The following IL20RA variants were observed in gnomAD, a reference collection of about 807,000 sequenced individuals.
IL20RA encodes interleukin-20 receptor subunit alpha.
Under a neutral mutation model 36.5 loss-of-function variants are expected in IL20RA, and 29 were observed. That is an observed-to-expected ratio of 0.79 (90% CI 0.59 to 1.08). The LOEUF is 1.08. Among genes scored for constraint, IL20RA ranks in the 50% least tolerant of loss-of-function variants. The pLI, the probability that IL20RA is intolerant of heterozygous loss-of-function variation, is 0.00. For synonymous variants in IL20RA, 279 were observed against 267.1 expected (o/e 1.04, Z -0.43); for missense variants, 652 against 668.4 (o/e 0.98, Z 0.27).
intron 1 of IL20RA, among the ~76,000 whole-genome samples, chr6:137,032,472 G>A (rs545563635): frequency 3.9e-5 from 6 of 152,308 alleles, no homozygotes; most frequent in African/African-American, 7.2e-5. Context: ...GGCAGTGGAC[G>A]AGGAGGGGCT....
At chr6:137,019,909 T>A (rs1415121273) in intron 1 of IL20RA, among the ~76,000 whole-genome samples, 1 of 152,270 alleles carries the variant, frequency 6.6e-6, no homozygotes, top group Non-Finnish European at 1.5e-5. Context: ...TCTATCACCA[T>A]GACTGTGGTA....
chr6:137,033,105 G>C (rs1302048897), intron 1 of IL20RA, among the ~76,000 whole-genome samples: 1 of 152,170 alleles, frequency 6.6e-6, no homozygotes, highest in Non-Finnish European at 1.5e-5. Flanking sequence ...ACAGCTCTAA[G>C]GCTGGATGTC....
intron 1 of IL20RA, among the ~76,000 whole-genome samples, chr6:137,032,531 T>C (rs965018155): frequency 6.6e-6 from 1 of 152,172 alleles, no homozygotes; most frequent in African/African-American, 2.4e-5. Context: ...CACATGGCCC[T>C]GAGATCCTGG....
Position 137,044,737 on chromosome 6 carries a change from G to A in IL20RA, c.-9C>T. 8.2e-7 allele frequency: 1 copy of A among 1,216,162 alleles called. No individual in the cohort carries two copies. The highest frequency in any genetic ancestry group is 1.0e-6 in the Non-Finnish European group (1 of 978,318). The allele number at this position is 1,216,162 out of a possible 1,614,324, so 75.3% of individuals were successfully genotyped here. A position where few individuals can be genotyped will look rare whatever the true frequency, so the allele number is the denominator to read the frequency against. ...CGGCCGGGAGCCCGCATGGGCGGCG[G>A]GGCTGGGTCACATGTCGGGGGGCAG... On this transcript the variant is annotated 5_prime_UTR_variant, in exon 1 of 7. Coordinates refer to ENST00000316649, the MANE Select transcript of IL20RA (RefSeq NM_014432.4).
At chr6:137,020,290 C>T (rs1775849905) in intron 1 of IL20RA, among the ~76,000 whole-genome samples, 1 of 152,190 alleles carries the variant, frequency 6.6e-6, no homozygotes, top group East Asian at 1.9e-4. Flanking sequence ...CAGCTTGCCT[C>T]TTGACTACAC....
chr6:137,001,561 G>A lies in IL20RA; in HGVS notation c.1659C>T (p.Asn553=). The change falls in exon 7 of 7, where the codon AAC becomes AAT. Residue 553 remains asparagine, a synonymous_variant. Transcript: ENST00000316649. ...EEWGLYVQME[N] ...AAGGCAAAAGGAAGTGTTGGCATCA[G>A]TTTTCCATCTGCACATATAACCCCC... 1.9e-6 allele frequency: 3 copies of A among 1,539,390 alleles called. No individual in the cohort carries two copies. The highest frequency in any genetic ancestry group is 2.6e-6 in the Non-Finnish European group (3 of 1,141,302).
chr6:137,014,532 A>T (rs901672126), intron 2 of IL20RA, among the ~76,000 whole-genome samples: 1 of 152,210 alleles, frequency 6.6e-6, no homozygotes, highest in African/African-American at 2.4e-5. Flanking sequence ...GAAACTACAG[A>T]AGTGCAAATG....
intron 1 of IL20RA, chr6:137,037,836 C>A (rs952866226): frequency 6.6e-6 from 1 of 152,208 alleles, no homozygotes; most frequent in African/African-American, 2.4e-5. Context: ...ATGATCTGAA[C>A]AGCTTGTCCA....
chr6:137,027,370 G>A (rs1383842752), intron 1 of IL20RA, among the ~76,000 whole-genome samples: 1 of 152,174 alleles, frequency 6.6e-6, no homozygotes, highest in African/African-American at 2.4e-5. Flanking sequence ...CTGGACTGGT[G>A]CGCTGCCTCA....
In IL20RA at chr6:137,010,726, A is replaced by G. The variant is rs529024066; in HGVS notation, c.403+548T>C. Among the ~76,000 whole-genome samples the G allele has an allele frequency of 2.6e-5, 4 of 152,358 alleles. No homozygotes were observed. In the South Asian group the frequency reaches 8.3e-4, roughly 32 times the overall value. Reference sequence around the variant, plus strand: ...CATCACACTACCAAGTTCATACAAGAAGAAGCATAGTGGATAATCAGGACA... The same window carrying G: ...CATCACACTACCAAGTTCATACAAGGAGAAGCATAGTGGATAATCAGGACA... On this transcript the variant is annotated intron_variant, in intron 3 of 6. Coordinates refer to ENST00000316649, the MANE Select transcript of IL20RA (RefSeq NM_014432.4).
rs180800340 is a variant in IL20RA, at chr6:137,001,381, C to A, written c.*177G>T. On this transcript the variant is annotated 3_prime_UTR_variant, in exon 7 of 7. Coordinates refer to ENST00000316649, the MANE Select transcript of IL20RA (RefSeq NM_014432.4). ...AGGCCCACCATCATTGTTAAGAGACCTACATGCATGAACCAATCACACACG... is the reference window on the plus strand; with the variant it reads ...AGGCCCACCATCATTGTTAAGAGACATACATGCATGAACCAATCACACACG... The A allele has an allele frequency of 1.0e-4, 55 of 544,822 alleles. No homozygotes were observed. The highest frequency in any genetic ancestry group is 9.7e-4 in the African/African-American group (51 of 52,522). 33.7% of individuals were successfully genotyped at this position (544,822 alleles called of 1,614,324 possible). A position where few individuals can be genotyped will look rare whatever the true frequency, so the allele number is the denominator to read the frequency against.
rs776826907 is a variant in IL20RA at position 137,001,659 on chromosome 6, G to C, written c.1561C>G (p.Leu521Val). The C allele has an allele frequency of 5.6e-6, 9 of 1,613,992 alleles. No homozygotes were observed. In the South Asian group the frequency reaches 9.9e-5, roughly 18 times the overall value. Residue 521 changes from leucine to valine, a missense_variant, in exon 7 of 7, where the codon CTC becomes GTC. By Grantham distance (32) the Leu-to-Val change is conservative (BLOSUM62 1). Coordinates refer to ENST00000316649, the MANE Select transcript of IL20RA (RefSeq NM_014432.4). ...CTGTCTGGAGCCGGCTCCTCATAGA[G>C]TCTAGATAGAAGACCCTCCTCTCCG... ...GLGEEGLLSR[L>V]YEEPAPDRPP... is the part of the protein sequence containing the mutation.
At position 137,001,648 on chromosome 6, in the gene IL20RA, C is replaced by G; in HGVS notation, c.1572G>C (p.Glu524Asp). The change falls in exon 7 of 7, where the codon GAG (glutamate) becomes GAC (aspartate). Residue 524 changes from glutamate to aspartate, a missense_variant. Physicochemically the swap from Glu to Asp is conservative, Grantham distance 45 (BLOSUM62 2). Coordinates refer to ENST00000316649, the MANE Select transcript of IL20RA (RefSeq NM_014432.4). ...CTCCTGGTGGCCTGTCTGGAGCCGG[C>G]TCCTCATAGAGTCTAGATAGAAGAC... ...EEGLLSRLYE[E>D]PAPDRPPGEN... 1 of 1,613,872 alleles carries G rather than the reference C, an allele frequency of 6.2e-7. No individual in the cohort carries two copies. Among genetic ancestry groups the G allele is most frequent in the South Asian group, 1.1e-5 (1 of 91,056 alleles).
rs1042843938 is a variant in IL20RA, at chr6:136,999,981, C to G, written c.*1577G>C. ...ATTAATAAGCAGAACTATCATCAAT[C>G]ACTTTATTTTTCTTTTGCTCTTAAT... On this transcript the variant is annotated 3_prime_UTR_variant, in exon 7 of 7. Transcript: ENST00000316649. 6.6e-6 allele frequency: 1 copy of G among 152,212 alleles called. No individual in the cohort carries two copies. The highest frequency in any genetic ancestry group is 6.5e-5 in the Admixed American group (1 of 15,280). The allele number at this position is 152,212 out of a possible 1,614,324, so 9.4% of individuals were successfully genotyped here. A position where few individuals can be genotyped will look rare whatever the true frequency, so the allele number is the denominator to read the frequency against.
chr6:137,030,534 C>T (rs1430542963), intron 1 of IL20RA, among the ~76,000 whole-genome samples: 1 of 152,130 alleles, frequency 6.6e-6, no homozygotes, highest in East Asian at 1.9e-4. Flanking sequence ...GCCTCCTTTA[C>T]TCATAAAGAC....
intron 1 of IL20RA, among the ~76,000 whole-genome samples, chr6:137,036,370 T>C (rs546372479): frequency 6.6e-6 from 1 of 152,336 alleles, no homozygotes; most frequent in African/African-American, 2.4e-5. Flanking sequence ...TCCTAACTTC[T>C]AGTACCTCAG....
intron 1 of IL20RA, among the ~76,000 whole-genome samples, chr6:137,026,558 C>T (rs760624870): frequency 6.6e-6 from 1 of 152,164 alleles, no homozygotes; most frequent in Non-Finnish European, 1.5e-5. Context: ...AAAATACCTT[C>T]ATAGGCTTGT....
chr6:137,034,946 GAAAAAAA>G (rs11309213), intron 1 of IL20RA, among the ~76,000 whole-genome samples: 1 of 118,544 alleles, frequency 8.4e-6, no homozygotes, highest in African/African-American at 3.0e-5. Context: ...CTCCATCTCA[GAAAAAAA>G]AAAAAAAAAA....
chr6:137,044,299 A>C, intron 1 of IL20RA: 2 of 1,008,678 alleles, frequency 2.0e-6, no homozygotes, highest in Non-Finnish European at 1.2e-6. Context: ...CCCGCATGGT[A>C]ACCGTCCCCG....
Sources: gnomAD v4.1 joint callset for allele counts (sites outside exome capture counted in the v4.1 genomes callset) on GRCh38, gnomAD v4.1.1 for gene constraint, MANE v1.5 for transcripts, NCBI Gene and HGNC (gene_info 2026-07-23, HGNC 2026-07-21) for gene names.